The following ACP3 variants were observed in gnomAD, a reference collection of about 807,000 sequenced individuals.
The protein encoded by ACP3 is prostatic acid phosphatase.
Under a neutral mutation model 45.6 loss-of-function variants are expected in ACP3, and 38 were observed. That is an observed-to-expected ratio of 0.83 (90% confidence interval 0.64 to 1.09). The LOEUF (loss-of-function observed/expected upper bound fraction) is 1.09, where lower values mean the gene tolerates loss of function less well. Among genes scored for constraint, ACP3 ranks in the 50% least tolerant of loss-of-function variants. The probability of loss-of-function intolerance (pLI) is 0.00; values close to 1 mark genes in which losing one functional copy is unlikely to be tolerated. For synonymous variants in ACP3, 162 were observed against 164.7 expected, an observed-to-expected ratio of 0.98 and a Z score of 0.13; for missense variants, 466 against 463.2, an observed-to-expected ratio of 1.01 and a Z score of -0.05.
At chr3:132,366,441 A>C (rs948838307) in intron 10 of ACP3, among the ~76,000 whole-genome samples, 1 of 152,212 alleles carries the variant, frequency 6.6e-6, no homozygotes, top group African/African-American at 2.4e-5. Flanking sequence ...CAGTGTTGGG[A>C]TATATTTTTC....
intron 10 of ACP3, among the ~76,000 whole-genome samples, chr3:132,365,435 C>T (rs1454229959): frequency 1.3e-5 from 2 of 152,130 alleles, no homozygotes; most frequent in African/African-American, 4.8e-5. Flanking sequence ...AGCAAAGTCA[C>T]TAAGGCAGGA....
intron 6 of ACP3, among the ~76,000 whole-genome samples, chr3:132,344,099 G>A (rs950121327): frequency 7.9e-5 from 12 of 152,114 alleles, no homozygotes; most frequent in East Asian, 1.9e-4. Context: ...CCAACATGGC[G>A]AAATTTCATC....
In ACP3 at chr3:132,317,447, T is replaced by C. The variant is rs773510176; in HGVS notation, c.-10T>C. 16 of 1,609,356 alleles carry C rather than the reference T, an allele frequency of 9.9e-6. No individual in the cohort carries two copies. In the African/African-American group the frequency reaches 1.9e-4, roughly 19 times the overall value. ...CCTCCTAACTCCTGCCAGAAACAGC[T>C]CTCCTCAACATGAGAGCTGCACCCC... On this transcript the variant is annotated 5_prime_UTR_variant, in exon 1 of 10. Transcript: ENST00000336375.
At chr3:132,347,583 G>A (rs1177832574) in intron 7 of ACP3, among the ~76,000 whole-genome samples, 5 of 151,928 alleles carry the variant, frequency 3.3e-5, no homozygotes, top group East Asian at 1.9e-4. Context: ...AGGCTCAAGC[G>A]ATCCTCCCAC....
At chr3:132,362,773 G>A (rs905272324), downstream of ACP3, among the ~76,000 whole-genome samples, 3 of 152,214 alleles carry the variant, frequency 2.0e-5, no homozygotes, top group Non-Finnish European at 2.9e-5. Context: ...TAAAGGCCAA[G>A]AGGCCAAAGG....
chr3:132,351,970 T>C (rs947365071), intron 8 of ACP3, among the ~76,000 whole-genome samples: 5 of 152,322 alleles, frequency 3.3e-5, no homozygotes, highest in Admixed American at 2.0e-4. Context: ...TATTTTATCT[T>C]CCCTAAACAT....
chr3:132,317,505 G>C lies in ACP3; in HGVS notation c.49G>C (p.Gly17Arg), dbSNP rs201023741. The C allele has an allele frequency of 6.2e-7, 1 of 1,613,550 alleles. No homozygotes were observed. Among genetic ancestry groups the C allele is most frequent in the Non-Finnish European group, 8.5e-7 (1 of 1,179,800 alleles). The change falls in exon 1 of 10, where the codon GGC becomes CGC. Residue 17 changes from glycine to arginine, a missense_variant. Physicochemically the swap from Gly to Arg is moderately radical, Grantham distance 125. Coordinates refer to ENST00000336375, the MANE Select transcript of ACP3 (RefSeq NM_001099.5). ...GGCCAGGGCAGCAAGCCTTAGCCTT[G>C]GCTTCTTGTTTCTGCTTTTTTTCTG... Reference protein sequence around the residue: ...LLARAASLSLGFLFLLFFWLD... With the variant: ...LLARAASLSLRFLFLLFFWLD...
At chr3:132,351,751 C>T (rs533943231) in intron 8 of ACP3, among the ~76,000 whole-genome samples, 3 of 151,894 alleles carry the variant, frequency 2.0e-5, no homozygotes, top group East Asian at 1.9e-4. Context: ...TTACTTCTAA[C>T]GCCTTTTGAA....
At chr3:132,363,122 G>A (rs1421714021), downstream of ACP3, among the ~76,000 whole-genome samples, 2 of 152,010 alleles carry the variant, frequency 1.3e-5, no homozygotes, top group Non-Finnish European at 2.9e-5. Flanking sequence ...ATATCACAGG[G>A]AGAGAAAGCA....
At chr3:132,343,924 A>G (rs1182034416) in intron 6 of ACP3, among the ~76,000 whole-genome samples, 2 of 152,044 alleles carry the variant, frequency 1.3e-5, no homozygotes, top group African/African-American at 4.8e-5. Context: ...ATTTGAGGCT[A>G]GAAGTTCAGG....
intron 7 of ACP3, among the ~76,000 whole-genome samples, chr3:132,349,334 A>G (rs535457915): frequency 1.2e-4 from 19 of 152,304 alleles, no homozygotes; most frequent in South Asian, 6.2e-4. Flanking sequence ...TGTCCCCCCA[A>G]TAGTGACACC....
intron 1 of ACP3, among the ~76,000 whole-genome samples, chr3:132,320,154 G>A (rs11708107): frequency 0.099 from 15,101 of 152,198 alleles, 967 homozygotes; most frequent in Non-Finnish European, 0.15. Context: ...ATGCTAATAC[G>A]CACTGTGGCT....
At chr3:132,328,048 T>C (rs1352081669) in intron 1 of ACP3, among the ~76,000 whole-genome samples, 1 of 152,098 alleles carries the variant, frequency 6.6e-6, no homozygotes, top group Non-Finnish European at 1.5e-5. Flanking sequence ...CCCAGGGAGA[T>C]TTTTTAAATC....
chr3:132,362,708 A>C (rs539914983), downstream of ACP3, among the ~76,000 whole-genome samples: 2 of 152,366 alleles, frequency 1.3e-5, no homozygotes, highest in South Asian at 4.1e-4. Flanking sequence ...GGTACTAAGC[A>C]GGTGAATGAA....
chr3:132,364,348 A>AAAAAAC (rs147584177), intron 10 of ACP3, among the ~76,000 whole-genome samples: 12,567 of 151,652 alleles, frequency 0.083, 1,192 homozygotes, highest in East Asian at 0.5. Flanking sequence ...ACCCTATCTC[A>AAAAAAC]AAAAACAAAA....
chr3:132,335,826 A>G (rs1291620685), intron 4 of ACP3, among the ~76,000 whole-genome samples: 1 of 152,204 alleles, frequency 6.6e-6, no homozygotes, highest in Non-Finnish European at 1.5e-5. Context: ...CAGTTCCTAG[A>G]GGCCAACTCA....
At chr3:132,337,388 T>C (rs1937509118) in intron 4 of ACP3, 68 bp from the exon 5 acceptor site, 8 of 995,904 alleles carry the variant, frequency 8.0e-6, no homozygotes, top group Non-Finnish European at 1.1e-5. Flanking sequence ...GCTTAAAATA[T>C]TGCTGCAGCA....
chr3:132,345,951 A>C (rs1937604668), intron 7 of ACP3, among the ~76,000 whole-genome samples: 1 of 152,244 alleles, frequency 6.6e-6, no homozygotes, highest in Non-Finnish European at 1.5e-5. Flanking sequence ...GAGAAAGTTC[A>C]TCATGTCAGG....
Position 132,353,602 on chromosome 3 carries a change from C to G in ACP3, c.968+779C>G, listed in dbSNP as rs116180285. ...AAAGGGCTGAGTTAAGGCAGTGACC[C>G]CAGAGTTTGTTTTGGGATTAGTCAG... On this transcript the variant is annotated intron_variant, in intron 9 of 9. Transcript: ENST00000336375. Among the ~76,000 whole-genome samples the G allele has an allele frequency of 1.6e-3, 251 of 152,240 alleles. 1 individual carries two copies. The highest frequency in any genetic ancestry group is 5.8e-3 in the African/African-American group (241 of 41,544).
Sources: allele counts gnomAD v4.1 joint callset (sites outside exome capture counted in the v4.1 genomes callset), GRCh38; gene constraint gnomAD v4.1.1; transcripts MANE v1.5; gene names NCBI Gene and HGNC (gene_info 2026-07-23, HGNC 2026-07-21).